The following DOCK2 variants were observed in gnomAD, a reference collection of about 807,000 sequenced individuals.
The protein encoded by DOCK2 is dedicator of cytokinesis 2, also known as dedicator of cytokinesis protein 2.
In DOCK2, 87 loss-of-function variants were observed where a neutral mutation model predicts 248.9. The ratio of observed to expected loss-of-function variants is 0.35; its 90% CI spans 0.29 to 0.42. DOCK2 has a LOEUF of 0.42. Ranked by LOEUF, DOCK2 falls within the 10% of genes least tolerant of loss-of-function variation. The pLI, the probability that DOCK2 is intolerant of heterozygous loss-of-function variation, is 1.00. For synonymous variants in DOCK2, 805 were observed against 821.6 expected, an observed-to-expected ratio of 0.98 and a Z score of 0.35; for missense variants, 1,747 against 2,300.2, an observed-to-expected ratio of 0.76 and a Z score of 4.92.
intron 40 of DOCK2, among the ~76,000 whole-genome samples, chr5:170,049,248 G>A (rs891291584): frequency 6.6e-6 from 1 of 152,160 alleles, no homozygotes; most frequent in Non-Finnish European, 1.5e-5. Context: ...CCAAGTACCT[G>A]GGACTACAGG....
chr5:169,658,777 G>T (rs1758275664), intron 2 of DOCK2, among the ~76,000 whole-genome samples: 1 of 151,442 alleles, frequency 6.6e-6, no homozygotes, highest in Admixed American at 6.6e-5. Flanking sequence ...GGGCATGATG[G>T]TGTGTACCTA....
chr5:169,819,097 G>A lies in DOCK2; in HGVS notation c.2703+15891G>A, dbSNP rs149872007. Among the ~76,000 whole-genome samples the A allele has an allele frequency of 2.0e-3, 311 of 152,264 alleles. 1 individual carries two copies. The highest frequency in any genetic ancestry group is 6.8e-3 in the African/African-American group (282 of 41,544). On this transcript the variant is annotated intron_variant, in intron 26 of 51. Coordinates refer to ENST00000520908, the MANE Select transcript of DOCK2 (RefSeq NM_004946.3). ...GAATGACATGATTCAGTGAAGGTAA[G>A]TGTAGTTAACCTTTCCAGAAATACC...
At chr5:170,075,767 A>C in intron 46 of DOCK2, 180 bp from the exon 47 acceptor site, 1 of 787,806 alleles carries the variant, frequency 1.3e-6, no homozygotes, top group Non-Finnish European at 2.0e-6. Context: ...AGCAAACCTC[A>C]TGTTTGCAAC....
chr5:169,904,091 CAAAAAAAA>C (rs57983281), intron 27 of DOCK2, among the ~76,000 whole-genome samples: 1 of 70,398 alleles, frequency 1.4e-5, no homozygotes, highest in African/African-American at 4.9e-5. Flanking sequence ...GACTTCGTCT[CAAAAAAAA>C]AAAAAAAAAA....
intron 27 of DOCK2, among the ~76,000 whole-genome samples, chr5:169,920,027 A>G (rs1775084640): frequency 6.6e-6 from 1 of 152,232 alleles, no homozygotes; most frequent in Non-Finnish European, 1.5e-5. Flanking sequence ...CCAGCACTTT[A>G]CGTGAATTAT....
intron 32 of DOCK2, among the ~76,000 whole-genome samples, chr5:170,013,031 G>C (rs1755364332): frequency 6.6e-6 from 1 of 152,130 alleles, no homozygotes; most frequent in African/African-American, 2.4e-5. Context: ...GAAATGTGTA[G>C]TGGGGACTCA....
intron 14 of DOCK2, among the ~76,000 whole-genome samples, chr5:169,704,638 G>A (rs781033343): frequency 6.6e-6 from 1 of 152,162 alleles, no homozygotes; most frequent in Non-Finnish European, 1.5e-5. Flanking sequence ...AACTAAAAGA[G>A]TATGATTGGA....
chr5:169,933,411 G>A (rs949080829), intron 27 of DOCK2, among the ~76,000 whole-genome samples: 5 of 152,230 alleles, frequency 3.3e-5, no homozygotes, highest in Non-Finnish European at 7.3e-5. Context: ...CTAATGTGAA[G>A]GCAAAGATTG....
intron 27 of DOCK2, among the ~76,000 whole-genome samples, chr5:169,857,460 C>T (rs1273151159): frequency 6.6e-6 from 1 of 152,154 alleles, no homozygotes; most frequent in East Asian, 1.9e-4. Flanking sequence ...ATTACAGGTG[C>T]ACGACACCGT....
rs111701196 is a variant in DOCK2 at position 169,741,034 on chromosome 5, A to T, written c.2268-6362A>T. Among the ~76,000 whole-genome samples the T allele has an allele frequency of 8.5e-4, 130 of 152,198 alleles. 1 individual carries two copies. Among genetic ancestry groups the T allele is most frequent in the African/African-American group, 2.9e-3 (122 of 41,528 alleles). ...TATTTTTTTGTGGAGACATTTTCCC[A>T]GGTTGGTCTTGAACTCCTAGGCTCA... On this transcript the variant is annotated intron_variant, in intron 22 of 51. Coordinates refer to ENST00000520908, the MANE Select transcript of DOCK2 (RefSeq NM_004946.3).
At chr5:170,079,204 T>C in intron 49 of DOCK2, 58 bp downstream of exon 49, 1 of 1,569,722 alleles carries the variant, frequency 6.4e-7, no homozygotes, top group South Asian at 1.2e-5. Context: ...CACTACATGC[T>C]GGGCACAAAA....
intron 50 of DOCK2, 189 bp from the exon 51 acceptor site, chr5:170,081,653 A>C: frequency 1.5e-6 from 1 of 662,346 alleles, no homozygotes; most frequent in Non-Finnish European, 2.5e-6. Flanking sequence ...GGCAATCTTC[A>C]CTGCAAGAGG....
In DOCK2 at chr5:170,056,741, G is replaced by A. The variant is rs1261240555; in HGVS notation, c.4353G>A (p.Gly1451=). The A allele has an allele frequency of 8.1e-6, 13 of 1,613,898 alleles. No individual in the cohort carries two copies. The change falls in exon 43 of 52, where the codon GGG becomes GGA. Residue 1451 remains glycine (G), a synonymous_variant. Coordinates refer to ENST00000520908, the MANE Select transcript of DOCK2 (RefSeq NM_004946.3). The stretch of plus-strand genomic sequence containing the variant: ...ACTACTCCCGGCCCGTGCGCAGGGG[G>A]ACCGTAGACCCAGAGAATGAGTTTG... ...RFHYSRPVRR[G]TVDPENEFAS... is the part of the protein sequence containing the mutation.
At chr5:170,059,993 C>T (rs1206224756) in intron 44 of DOCK2, among the ~76,000 whole-genome samples, 2 of 152,202 alleles carry the variant, frequency 1.3e-5, no homozygotes, top group Non-Finnish European at 2.9e-5. Context: ...GTTGAATGCT[C>T]TTCTAAGTGA....
intron 32 of DOCK2, 76 bp from the exon 33 acceptor site, chr5:170,018,884 T>C: frequency 6.5e-7 from 1 of 1,535,506 alleles, no homozygotes; most frequent in Non-Finnish European, 8.8e-7. Context: ...CTTTTTTTCT[T>C]TCCCCAGGCT....
chr5:169,912,570 C>A (rs1774658268), intron 27 of DOCK2, among the ~76,000 whole-genome samples: 1 of 152,048 alleles, frequency 6.6e-6, no homozygotes. Context: ...CACTTAAAAC[C>A]ATTACGTTGT....
intron 25 of DOCK2, among the ~76,000 whole-genome samples, chr5:169,800,888 G>A (rs562227775): frequency 5.3e-5 from 8 of 151,708 alleles, no homozygotes; most frequent in Non-Finnish European, 7.4e-5. Flanking sequence ...GGATGAAAGC[G>A]GAGCCTGAGA....
At chr5:169,958,820 G>A (rs1265898773) in intron 27 of DOCK2, among the ~76,000 whole-genome samples, 2 of 152,136 alleles carry the variant, frequency 1.3e-5, no homozygotes, top group African/African-American at 2.4e-5. Context: ...AGGGCAAAGG[G>A]GTCTCACCTT....
intron 27 of DOCK2, among the ~76,000 whole-genome samples, chr5:169,872,686 T>A (rs1320224533): frequency 6.6e-6 from 1 of 152,106 alleles, no homozygotes; most frequent in Non-Finnish European, 1.5e-5. Context: ...TCAGAAAGGG[T>A]AGATCATCTC....
Sources: allele counts gnomAD v4.1 joint callset (sites outside exome capture counted in the v4.1 genomes callset), GRCh38; gene constraint gnomAD v4.1.1; transcripts MANE v1.5; gene names NCBI Gene and HGNC (gene_info 2026-07-23, HGNC 2026-07-21).